Variants in GRIA1 observed in about 807,000 individuals in gnomAD.
GRIA1 encodes glutamate receptor 1.
In GRIA1, 31 loss-of-function variants were observed where a neutral mutation model predicts 99.2. The ratio of observed to expected loss-of-function variants is 0.31; its 90% CI spans 0.23 to 0.42. GRIA1 has a LOEUF of 0.42. Ranked by LOEUF, GRIA1 falls within the 10% of genes least tolerant of loss-of-function variation. The probability of loss-of-function intolerance (pLI) is 1.00; values close to 1 mark genes in which losing one functional copy is unlikely to be tolerated. For missense variants in GRIA1, 782 were observed against 1,157.5 expected (o/e 0.68, Z 4.71); for synonymous variants, 438 against 432.4 (o/e 1.01, Z -0.16).
At chr5:153,653,497 G>A (rs1462257312) in intron 4 of GRIA1, among the ~76,000 whole-genome samples, 1 of 152,148 alleles carries the variant, frequency 6.6e-6, no homozygotes, top group Non-Finnish European at 1.5e-5. Context: ...GCAAGGAACA[G>A]GATTATTAGA....
At chr5:153,565,565 C>T (rs1761540625) in intron 2 of GRIA1, among the ~76,000 whole-genome samples, 3 of 152,150 alleles carry the variant, frequency 2.0e-5, no homozygotes, top group Admixed American at 2.0e-4. Flanking sequence ...TTCTCTCTTG[C>T]AAAAGTAGCC....
chr5:153,810,020 A>C (rs1766708095), intron 15 of GRIA1, among the ~76,000 whole-genome samples: 2 of 152,194 alleles, frequency 1.3e-5, no homozygotes, highest in South Asian at 4.1e-4. Flanking sequence ...AGTAAAATAT[A>C]AGAGTCTGGA....
At chr5:153,804,810 G>A (rs1026063144) in intron 15 of GRIA1, among the ~76,000 whole-genome samples, 4 of 151,892 alleles carry the variant, frequency 2.6e-5, no homozygotes, top group African/African-American at 7.3e-5. Context: ...GGAGTGCAGT[G>A]GCATGATCTC....
At chr5:153,571,439 C>G (rs1349006787) in intron 2 of GRIA1, among the ~76,000 whole-genome samples, 6 of 152,190 alleles carry the variant, frequency 3.9e-5, no homozygotes, top group African/African-American at 1.4e-4. Flanking sequence ...AAAGACAACA[C>G]ATAAATGAAC....
At chr5:153,794,331 A>G (rs908368269) in intron 13 of GRIA1, among the ~76,000 whole-genome samples, 4 of 152,222 alleles carry the variant, frequency 2.6e-5, no homozygotes, top group Admixed American at 1.3e-4. Flanking sequence ...AAAGAAATCT[A>G]TAAAAGCAGA....
intron 11 of GRIA1, among the ~76,000 whole-genome samples, chr5:153,761,928 T>TAC (rs2149604766): frequency 6.6e-6 from 1 of 152,172 alleles, no homozygotes; most frequent in African/African-American, 2.4e-5. Context: ...TAAAGACAAA[T>TAC]ACCACATGAT....
At chr5:153,499,472 G>T (rs561366747) in intron 2 of GRIA1, among the ~76,000 whole-genome samples, 34 of 151,880 alleles carry the variant, frequency 2.2e-4, no homozygotes, top group African/African-American at 8.0e-4. Context: ...AAACTTAGCT[G>T]GGCGTGGTGG....
chr5:153,723,673 C>T (rs936847556), intron 11 of GRIA1, among the ~76,000 whole-genome samples: 81 of 152,248 alleles, frequency 5.3e-4, no homozygotes, highest in African/African-American at 9.9e-4. Context: ...AACTGCAAGG[C>T]GGCAGCAAGG....
intron 2 of GRIA1, among the ~76,000 whole-genome samples, chr5:153,637,952 T>A (rs1422890): frequency 1.3e-5 from 2 of 151,234 alleles, no homozygotes; most frequent in Admixed American, 1.3e-4. Flanking sequence ...TTCCTTCAAG[T>A]GGGCTTAAAT....
chr5:153,701,640 A>AAAT, intron 10 of GRIA1, among the ~76,000 whole-genome samples: 1 of 149,556 alleles, frequency 6.7e-6, no homozygotes. Context: ...AAAAAAAAAA[A>AAAT]AATACTATGT....
At chr5:153,707,181 C>T (rs953431311) in intron 11 of GRIA1, among the ~76,000 whole-genome samples, 2 of 152,046 alleles carry the variant, frequency 1.3e-5, no homozygotes, top group African/African-American at 4.8e-5. Flanking sequence ...ATTGAAAGCA[C>T]ACTCGGGTAA....
chr5:153,778,496 G>A (rs1764418087), intron 13 of GRIA1, among the ~76,000 whole-genome samples: 1 of 152,002 alleles, frequency 6.6e-6, no homozygotes, highest in African/African-American at 2.4e-5. Flanking sequence ...CACCGTGGAG[G>A]TAATATTGTT....
chr5:153,516,865 C>T (rs765684327), intron 2 of GRIA1, among the ~76,000 whole-genome samples: 45 of 152,236 alleles, frequency 3.0e-4, no homozygotes, highest in Non-Finnish European at 4.3e-4. Flanking sequence ...AAATCAAACA[C>T]GAAAACTGAG....
At chr5:153,679,458 C>A (rs1190613789) in intron 7 of GRIA1, among the ~76,000 whole-genome samples, 3 of 152,128 alleles carry the variant, frequency 2.0e-5, no homozygotes, top group Non-Finnish European at 4.4e-5. Flanking sequence ...ACAGCAAATC[C>A]AGAGTGGGCA....
chr5:153,650,929 G>A (rs1401354892), intron 4 of GRIA1, among the ~76,000 whole-genome samples: 2 of 104,354 alleles, frequency 1.9e-5, no homozygotes, highest in Non-Finnish European at 4.9e-5. Flanking sequence ...AAATTAGCTT[G>A]GTGTCGTGGC....
At chr5:153,596,424 T>C (rs553185516) in intron 2 of GRIA1, among the ~76,000 whole-genome samples, 10 of 152,330 alleles carry the variant, frequency 6.6e-5, no homozygotes, top group African/African-American at 2.2e-4. Context: ...CAAAACCCCT[T>C]TATACACTGG....
intron 3 of GRIA1, among the ~76,000 whole-genome samples, chr5:153,649,506 G>A (rs1202713937): frequency 2.6e-5 from 4 of 152,274 alleles, no homozygotes; most frequent in African/African-American, 9.6e-5. Context: ...CACCCAGGCT[G>A]GAGTGCAATG....
chr5:153,545,601 T>C (rs533754753), intron 2 of GRIA1, among the ~76,000 whole-genome samples: 3 of 152,254 alleles, frequency 2.0e-5, no homozygotes, highest in South Asian at 4.1e-4. Context: ...TACAGCAATG[T>C]GGGAGCTAAC....
intron 13 of GRIA1, among the ~76,000 whole-genome samples, chr5:153,790,973 G>A (rs566857316): frequency 3.4e-4 from 51 of 152,120 alleles, no homozygotes; most frequent in Non-Finnish European, 5.3e-4. Context: ...TTTTGAACAT[G>A]TGAAATACAA....
Sources: allele counts gnomAD v4.1 joint callset (sites outside exome capture counted in the v4.1 genomes callset), GRCh38; gene constraint gnomAD v4.1.1; transcripts MANE v1.5; gene names NCBI Gene and HGNC (gene_info 2026-07-23, HGNC 2026-07-21).